SLC20A1: variants seen among roughly 807,000 people sequenced by gnomAD.
SLC20A1 encodes the protein sodium-dependent phosphate transporter 1.
Under a neutral mutation model 62.7 loss-of-function variants are expected in SLC20A1, and 28 were observed. That is an observed-to-expected ratio of 0.45 (90% CI 0.33 to 0.61). SLC20A1 has a LOEUF of 0.61. Ranked by LOEUF, SLC20A1 falls within the 20% of genes least tolerant of loss-of-function variation. The probability of loss-of-function intolerance (pLI) is 0.02; values close to 1 mark genes in which losing one functional copy is unlikely to be tolerated. For missense variants in SLC20A1, 673 were observed against 838.6 expected, an observed-to-expected ratio of 0.80 and a Z score of 2.44; for synonymous variants, 305 against 302.9, an observed-to-expected ratio of 1.01 and a Z score of -0.07.
intron 5 of SLC20A1, among the ~76,000 whole-genome samples, chr2:112,656,874 C>T (rs963679319): frequency 2.6e-5 from 4 of 152,200 alleles, no homozygotes; most frequent in African/African-American, 9.7e-5. Context: ...TGTTGAGAAG[C>T]ATAGGAACTT....
chr2:112,658,694 C>T, intron 6 of SLC20A1, 131 bp from the exon 7 acceptor site: 1 of 1,021,290 alleles, frequency 9.8e-7, no homozygotes, highest in Non-Finnish European at 1.4e-6. Flanking sequence ...GAAAAATGTT[C>T]CTGAATGTTA....
At chr2:112,660,153 G>A (rs1292364164) in intron 8 of SLC20A1, among the ~76,000 whole-genome samples, 5 of 152,210 alleles carry the variant, frequency 3.3e-5, no homozygotes, top group Non-Finnish European at 4.4e-5. Context: ...GCTTTAAGCT[G>A]CCTATAGGAG....
chr2:112,650,303 G>A (rs1029407891), intron 4 of SLC20A1, among the ~76,000 whole-genome samples: 2 of 151,334 alleles, frequency 1.3e-5, no homozygotes, highest in African/African-American at 2.4e-5. Context: ...AATTTTTGGG[G>A]GTGGGAGTCT....
At chr2:112,657,922 T>A (rs1686637907) in intron 6 of SLC20A1, among the ~76,000 whole-genome samples, 2 of 152,264 alleles carry the variant, frequency 1.3e-5, no homozygotes, top group South Asian at 4.1e-4. Context: ...TTTTTTTCCT[T>A]AAAATAATCA....
intron 4 of SLC20A1, 194 bp from the exon 5 acceptor site, chr2:112,652,508 C>A: frequency 3.5e-6 from 2 of 570,422 alleles, no homozygotes; most frequent in African/African-American, 1.9e-5. Context: ...GAAAAAAAAA[C>A]AGGTAGAAGT....
In SLC20A1 at chr2:112,662,850, T is replaced by C; in HGVS notation, c.1879-14T>C. 1 of 1,612,558 alleles carries C rather than the reference T, an allele frequency of 6.2e-7. No homozygotes were observed. Among genetic ancestry groups the C allele is most frequent in the Non-Finnish European group, 8.5e-7 (1 of 1,179,562 alleles). On this transcript the variant is annotated splice_polypyrimidine_tract_variant and intron_variant, in intron 10 of 10. Coordinates refer to ENST00000272542, the MANE Select transcript of SLC20A1 (RefSeq NM_005415.5). ...ACTTCAATAACCTGTTTCCTTGGTC[T>C]GCTTCTCTTCTAGGTGGGCTCTGTT...
At chr2:112,660,971 C>A in intron 9 of SLC20A1, 171 bp from the exon 10 acceptor site, 1 of 507,946 alleles carries the variant, frequency 2.0e-6, no homozygotes, top group Non-Finnish European at 3.5e-6. Context: ...AACTGGGCAT[C>A]TGTGGCCTGA....
At chr2:112,656,962 T>C in intron 5 of SLC20A1, 160 bp from the exon 6 acceptor site, 2 of 834,228 alleles carry the variant, frequency 2.4e-6, no homozygotes, top group Non-Finnish European at 2.0e-6. Flanking sequence ...CAAATTTGTA[T>C]AGGCACTAGC....
chr2:112,652,904 G>T (rs1410877709), intron 5 of SLC20A1, 106 bp downstream of exon 5: 1 of 1,603,138 alleles, frequency 6.2e-7, no homozygotes. Context: ...AAATCTCCTA[G>T]AAGGTGGCTG....
At chr2:112,660,822 G>A (rs1193524877) in intron 9 of SLC20A1, 1 of 499,600 alleles carries the variant, frequency 2.0e-6, no homozygotes. Context: ...GCTAAGAGCG[G>A]ATAGTTATGT....
At chr2:112,654,741 G>T (rs4630766) in intron 5 of SLC20A1, among the ~76,000 whole-genome samples, 4 of 151,418 alleles carry the variant, frequency 2.6e-5, no homozygotes, top group Non-Finnish European at 5.9e-5. Flanking sequence ...CTAAAAACTA[G>T]AAAAACTAAC....
At chr2:112,658,263 C>T (rs1343588645) in intron 6 of SLC20A1, 1 of 152,560 alleles carries the variant, frequency 6.6e-6, no homozygotes, top group African/African-American at 2.4e-5. Flanking sequence ...AGAAGATACT[C>T]TGGTCTGCCT....
Position 112,659,402 on chromosome 2 carries a change from A to G in SLC20A1, c.1247A>G (p.Asn416Ser). The G allele has an allele frequency of 6.2e-7, 1 of 1,614,200 alleles. No individual in the cohort carries two copies. Among genetic ancestry groups the G allele is most frequent in the Non-Finnish European group, 8.5e-7 (1 of 1,180,038 alleles). ...GGTGACAAACCCTTAAGGCGCAATAATAGCTATACTTCCTATACCATGGCA... is the reference window on the plus strand; with the variant it reads ...GGTGACAAACCCTTAAGGCGCAATAGTAGCTATACTTCCTATACCATGGCA... ...DSGDKPLRRN[N>S]SYTSYTMAIC... Residue 416 changes from asparagine to serine, a missense_variant, in exon 8 of 11, where the codon AAT becomes AGT. Asn to Ser is a conservative substitution (Grantham distance 46). Transcript: ENST00000272542.
intron 4 of SLC20A1, 84 bp from the exon 5 acceptor site, chr2:112,652,618 C>G: frequency 8.9e-7 from 1 of 1,117,422 alleles, no homozygotes; most frequent in Non-Finnish European, 1.4e-6. Flanking sequence ...ACTATAATTC[C>G]CAAACCTACC....
chr2:112,659,668 G>T lies in SLC20A1; in HGVS notation c.1513G>T (p.Asp505Tyr), dbSNP rs1686696777. Residue 505 changes from aspartate (D) to tyrosine (Y), a missense_variant, in exon 8 of 11, where the codon GAC becomes TAC. Physicochemically the swap from Asp to Tyr is radical, Grantham distance 160. Coordinates refer to ENST00000272542, the MANE Select transcript of SLC20A1 (RefSeq NM_005415.5). ...TAATGGCTCTCTAGAAGAATGGTATGACCAGGATAAGCCTGAAGTCTCTCT... is the reference window on the plus strand; with the variant it reads ...TAATGGCTCTCTAGAAGAATGGTATTACCAGGATAAGCCTGAAGTCTCTCT... The part of the protein sequence containing the change: ...GSNGSLEEWY[D>Y]QDKPEVSLLF... The T allele has an allele frequency of 3.7e-6, 6 of 1,614,218 alleles. No homozygotes were observed. Among genetic ancestry groups the T allele is most frequent in the Non-Finnish European group, 5.1e-6 (6 of 1,180,036 alleles).
chr2:112,661,176 G>A lies in SLC20A1; in HGVS notation c.1828G>A (p.Val610Met). 1 of 1,614,094 alleles carries A rather than the reference G, an allele frequency of 6.2e-7. No individual in the cohort carries two copies. ...FSIELASALT[V>M]VIASNIGLPI... Reference sequence around the variant, plus strand: ...TATTGAACTGGCATCTGCCCTCACTGTGGTGATTGCATCAAATATTGGCCT... The same window carrying A: ...TATTGAACTGGCATCTGCCCTCACTATGGTGATTGCATCAAATATTGGCCT... Residue 610 changes from valine (V) to methionine (M), a missense_variant, in exon 10 of 11, where the codon GTG becomes ATG. Val to Met is a conservative substitution (Grantham distance 21). Coordinates refer to ENST00000272542, the MANE Select transcript of SLC20A1 (RefSeq NM_005415.5).
At chr2:112,662,203 T>G (rs754528395) in intron 10 of SLC20A1, among the ~76,000 whole-genome samples, 11 of 152,240 alleles carry the variant, frequency 7.2e-5, no homozygotes, top group Non-Finnish European at 1.6e-4. Flanking sequence ...TACCCGGATG[T>G]GTCTCCAGAC....
chr2:112,662,038 T>C (rs1686763305), intron 10 of SLC20A1, among the ~76,000 whole-genome samples: 1 of 152,190 alleles, frequency 6.6e-6, no homozygotes, highest in Non-Finnish European at 1.5e-5. Context: ...ACAGAAGGCA[T>C]ATTTCAGGGC....
Position 112,663,271 on chromosome 2 carries a change from G to C in SLC20A1, c.*246G>C. The C allele has an allele frequency of 1.8e-6, 1 of 559,286 alleles. No individual in the cohort carries two copies. The highest frequency in any genetic ancestry group is 3.4e-6 in the Non-Finnish European group (1 of 290,052). 34.6% of individuals were successfully genotyped at this position (559,286 alleles called of 1,614,324 possible). Reference sequence around the variant, plus strand: ...GAGGTCCCCTTTCCTTCTGGGCTGTGAATTCCTGTACATATTTCTCTACTT... The same window carrying C: ...GAGGTCCCCTTTCCTTCTGGGCTGTCAATTCCTGTACATATTTCTCTACTT... On this transcript the variant is annotated 3_prime_UTR_variant, in exon 11 of 11. Transcript: ENST00000272542.
Sources: gnomAD v4.1 joint callset for allele counts (sites outside exome capture counted in the v4.1 genomes callset) on GRCh38, gnomAD v4.1.1 for gene constraint, MANE v1.5 for transcripts, NCBI Gene and HGNC (gene_info 2026-07-23, HGNC 2026-07-21) for gene names.